The following NUMB variants were observed in gnomAD, a reference collection of about 807,000 sequenced individuals.
NUMB encodes NUMB endocytic adaptor protein.
NUMB carries 29 observed loss-of-function variants against 59.7 expected under a neutral mutation model. That is an observed-to-expected ratio of 0.49 (90% CI 0.36 to 0.66). NUMB has a LOEUF of 0.66. NUMB is among the 30% of genes least tolerant of loss of function. NUMB has a pLI of 0.00. For synonymous variants in NUMB, 288 were observed against 288.2 expected (o/e 1.00, Z 0.01); for missense variants, 723 against 822.0 (o/e 0.88, Z 1.47).
intron 2 of NUMB, among the ~76,000 whole-genome samples, chr14:73,371,040 C>T (rs1441186490): frequency 3.3e-5 from 5 of 151,938 alleles, no homozygotes; most frequent in African/African-American, 9.7e-5. Context: ...CTCCCATTCT[C>T]GGCCTCCCAA....
At chr14:73,387,743 A>C (rs1454130044) in intron 2 of NUMB, among the ~76,000 whole-genome samples, 4 of 149,452 alleles carry the variant, frequency 2.7e-5, no homozygotes, top group African/African-American at 7.7e-5. Context: ...AAAAAAAAAA[A>C]AACAAAAACA....
At chr14:73,342,818 C>T (rs1892704714) in intron 4 of NUMB, among the ~76,000 whole-genome samples, 1 of 152,156 alleles carries the variant, frequency 6.6e-6, no homozygotes, top group Non-Finnish European at 1.5e-5. Flanking sequence ...AGCCCAAATT[C>T]AAACTCAAGT....
In NUMB at chr14:73,284,335, G is replaced by C. The variant is rs1175592978; in HGVS notation, c.695C>G (p.Pro232Arg). ...GGATGGGGATGGGGCAGTGTTGCCA[G>C]GGGCAACTGATGAACCAACGACTAT... ...DKIVVGSSVA[P>R]GNTAPSPSSP... The change falls in exon 10 of 13, where the codon CCT (proline) becomes CGT (arginine). Residue 232 changes from proline (P) to arginine (R), a missense_variant. Transcript: ENST00000555238. 1.2e-6 allele frequency: 2 copies of C among 1,614,064 alleles called. No individual in the cohort carries two copies. Among genetic ancestry groups the C allele is most frequent in the Admixed American group, 3.3e-5 (2 of 60,014 alleles).
At chr14:73,436,055 AC>A (rs1898041629) in intron 1 of NUMB, among the ~76,000 whole-genome samples, 1 of 152,138 alleles carries the variant, frequency 6.6e-6, no homozygotes, top group Admixed American at 6.5e-5. Flanking sequence ...GAATGGAAAA[AC>A]AAAGTGTAGT....
intron 4 of NUMB, among the ~76,000 whole-genome samples, chr14:73,337,763 TATA>T (rs1283644810): frequency 6.6e-6 from 1 of 152,226 alleles, no homozygotes; most frequent in Non-Finnish European, 1.5e-5. Flanking sequence ...AATAAAATAC[TATA>T]ATAACTGCAT....
rs71112740 is a variant in NUMB at position 73,367,348 on chromosome 14, T to TAGAGAGAGAG, written c.-100-377_-100-368dup. 4.0e-3 allele frequency among the ~76,000 whole-genome samples: 420 copies of TAGAGAGAGAG among 105,276 alleles called. 7 individuals carry two copies. Among genetic ancestry groups the TAGAGAGAGAG allele is most frequent in the Admixed American group, 0.016 (156 of 9,686 alleles). The allele number at this position is 105,276 out of a possible 152,430, so 69.1% of individuals were successfully genotyped here. A position where few individuals can be genotyped will look rare whatever the true frequency, so the allele number is the denominator to read the frequency against. ...ATATATACATATATATATATATATA[T>TAGAGAGAGAG]AGAGAGAGAGAGAGAGAGAGAGAGA... On this transcript the variant is annotated intron_variant, in intron 2 of 12. Coordinates refer to ENST00000555238, the MANE Select transcript of NUMB (RefSeq NM_001005743.2).
intron 1 of NUMB, among the ~76,000 whole-genome samples, chr14:73,418,471 C>A (rs188866874): frequency 5.9e-5 from 9 of 152,176 alleles, no homozygotes; most frequent in African/African-American, 1.7e-4. Context: ...CATTTAGAAA[C>A]AGTTAAAACA....
chr14:73,417,815 A>G (rs1211333926), intron 1 of NUMB, among the ~76,000 whole-genome samples: 1 of 152,206 alleles, frequency 6.6e-6, no homozygotes, highest in African/African-American at 2.4e-5. Context: ...GCTAAACAAA[A>G]TGTAGTCTAG....
At chr14:73,451,243 C>T (rs1883947400) in intron 1 of NUMB, among the ~76,000 whole-genome samples, 1 of 151,452 alleles carries the variant, frequency 6.6e-6, no homozygotes, top group Non-Finnish European at 1.5e-5. Context: ...CAATACCAGC[C>T]TGGCCAATAT....
At chr14:73,358,085 T>C (rs1893905921) in intron 3 of NUMB, among the ~76,000 whole-genome samples, 1 of 152,070 alleles carries the variant, frequency 6.6e-6, no homozygotes, top group Non-Finnish European at 1.5e-5. Context: ...CCTTAGTAGC[T>C]CTTGAATTCA....
At chr14:73,373,595 A>G (rs1174031679) in intron 2 of NUMB, among the ~76,000 whole-genome samples, 4 of 152,190 alleles carry the variant, frequency 2.6e-5, no homozygotes, top group African/African-American at 9.6e-5. Flanking sequence ...TTAAAGCTGT[A>G]GAAAAATTTT....
intron 8 of NUMB, among the ~76,000 whole-genome samples, chr14:73,291,079 GTTTT>G (rs1889358346): frequency 6.7e-6 from 1 of 150,042 alleles, no homozygotes; most frequent in South Asian, 2.1e-4. Flanking sequence ...TTTAGTTTTT[GTTTT>G]TTGTTTTTTT....
chr14:73,405,639 C>T (rs779838268), intron 2 of NUMB, among the ~76,000 whole-genome samples: 2 of 151,910 alleles, frequency 1.3e-5, no homozygotes, highest in African/African-American at 2.4e-5. Context: ...TGTCAGTCCC[C>T]AGGTCATCCA....
chr14:73,448,724 A>T (rs981923858), intron 1 of NUMB, among the ~76,000 whole-genome samples: 6 of 152,198 alleles, frequency 3.9e-5, no homozygotes, highest in African/African-American at 1.4e-4. Flanking sequence ...TGATTTTAAT[A>T]ACAAAATCAG....
chr14:73,348,598 G>A (rs1446281798), intron 4 of NUMB, among the ~76,000 whole-genome samples: 4 of 152,166 alleles, frequency 2.6e-5, no homozygotes, highest in Non-Finnish European at 4.4e-5. Flanking sequence ...TAGGTTGTGC[G>A]CTCCTTATGA....
chr14:73,354,700 C>T (rs1197245935), intron 4 of NUMB, among the ~76,000 whole-genome samples: 8 of 149,704 alleles, frequency 5.3e-5, no homozygotes, highest in African/African-American at 9.8e-5. Context: ...TGGTGGGGCA[C>T]GCCTGTAGTC....
intron 4 of NUMB, among the ~76,000 whole-genome samples, chr14:73,348,312 C>T (rs1205112213): frequency 1.3e-5 from 2 of 152,168 alleles, no homozygotes; most frequent in East Asian, 3.8e-4. Flanking sequence ...GAATGTCCTA[C>T]AGAAAGGATT....
At chr14:73,326,839 C>T (rs1891688008) in intron 4 of NUMB, among the ~76,000 whole-genome samples, 1 of 152,078 alleles carries the variant, frequency 6.6e-6, no homozygotes. Context: ...AATAACTACT[C>T]AGAAAGGTAT....
intron 2 of NUMB, among the ~76,000 whole-genome samples, chr14:73,394,984 C>T (rs1329135983): frequency 2.0e-5 from 3 of 150,236 alleles, no homozygotes; most frequent in African/African-American, 7.3e-5. Flanking sequence ...CAGGTTCATC[C>T]ACAATGTTGC....
Sources: gnomAD v4.1 joint callset for allele counts (sites outside exome capture counted in the v4.1 genomes callset) on GRCh38, gnomAD v4.1.1 for gene constraint, MANE v1.5 for transcripts, NCBI Gene and HGNC (gene_info 2026-07-23, HGNC 2026-07-21) for gene names.